Variants in DOCK2 observed in about 807,000 individuals in gnomAD.
DOCK2 encodes dedicator of cytokinesis 2, also known as dedicator of cytokinesis protein 2.
In DOCK2, 87 loss-of-function variants were observed where a neutral mutation model predicts 248.9. The ratio of observed to expected loss-of-function variants is 0.35; its 90% CI spans 0.29 to 0.42. The LOEUF (loss-of-function observed/expected upper bound fraction) is 0.42, where lower values mean the gene tolerates loss of function less well. Ranked by LOEUF, DOCK2 falls within the 10% of genes least tolerant of loss-of-function variation. DOCK2 has a pLI of 1.00. For missense variants in DOCK2, 1,747 were observed against 2,300.2 expected (o/e 0.76, Z 4.92); for synonymous variants, 805 against 821.6 (o/e 0.98, Z 0.35).
At chr5:169,859,860 C>T (rs537283245) in intron 27 of DOCK2, among the ~76,000 whole-genome samples, 7 of 152,194 alleles carry the variant, frequency 4.6e-5, no homozygotes, top group East Asian at 1.9e-4. Context: ...CTTTAATTCC[C>T]GGAGTGCTGT....
chr5:169,791,725 C>T (rs1239707886), intron 25 of DOCK2, among the ~76,000 whole-genome samples: 5 of 152,184 alleles, frequency 3.3e-5, no homozygotes, highest in African/African-American at 1.2e-4. Flanking sequence ...GCTGGGTGAG[C>T]TACATGGAGC....
intron 8 of DOCK2, among the ~76,000 whole-genome samples, chr5:169,685,748 G>T (rs997266404): frequency 5.3e-5 from 8 of 152,308 alleles, no homozygotes; most frequent in East Asian, 3.9e-4. Flanking sequence ...ATGTGCTGGG[G>T]TCTGTACATT....
At chr5:169,664,163 T>C (rs892037058) in intron 2 of DOCK2, among the ~76,000 whole-genome samples, 17 of 152,188 alleles carry the variant, frequency 1.1e-4, no homozygotes, top group African/African-American at 4.1e-4. Flanking sequence ...TTTTTACAGA[T>C]CTCTAGGGCA....
intron 27 of DOCK2, among the ~76,000 whole-genome samples, chr5:169,967,512 G>A (rs1354285699): frequency 1.3e-5 from 2 of 152,156 alleles, no homozygotes; most frequent in African/African-American, 2.4e-5. Flanking sequence ...TAGGAAGAGT[G>A]GAAGAAATAA....
intron 27 of DOCK2, among the ~76,000 whole-genome samples, chr5:169,860,364 G>A (rs1409597288): frequency 6.6e-6 from 1 of 152,074 alleles, no homozygotes; most frequent in Non-Finnish European, 1.5e-5. Flanking sequence ...ATCCACAAAT[G>A]ACTGAATATG....
At chr5:169,885,506 T>G (rs1772921359) in intron 27 of DOCK2, among the ~76,000 whole-genome samples, 1 of 152,206 alleles carries the variant, frequency 6.6e-6, no homozygotes, top group Non-Finnish European at 1.5e-5. Context: ...AAGGACAAAA[T>G]TCTCCCCTGA....
At chr5:169,696,912 A>T (rs1760667521) in intron 10 of DOCK2, among the ~76,000 whole-genome samples, 1 of 151,030 alleles carries the variant, frequency 6.6e-6, no homozygotes, top group Non-Finnish European at 1.5e-5. Context: ...TAGTTTTATT[A>T]TGTGCAAAAT....
At chr5:169,685,000 T>A (rs923986911) in intron 8 of DOCK2, among the ~76,000 whole-genome samples, 17 of 152,230 alleles carry the variant, frequency 1.1e-4, no homozygotes, top group African/African-American at 4.1e-4. Flanking sequence ...AAATCCTCTG[T>A]AGCAGCAATA....
At position 169,691,863 on chromosome 5, in the gene DOCK2, A is replaced by AT. The variant is rs10535818; in HGVS notation, c.843+2541dup. Among the ~76,000 whole-genome samples the AT allele has an allele frequency of 1.5e-3, 214 of 145,552 alleles. 1 individual carries two copies. The highest frequency in any genetic ancestry group is 2.6e-3 in the East Asian group (13 of 4,996). The stretch of plus-strand genomic sequence containing the variant: ...TTTATTTATTTATTTATTTTTATTT[A>AT]TTTTTTTTTTTGAGATGGAGTCTTG... On this transcript the variant is annotated intron_variant, in intron 9 of 51. Coordinates refer to ENST00000520908, the MANE Select transcript of DOCK2 (RefSeq NM_004946.3).
chr5:169,708,214 C>T lies in DOCK2; in HGVS notation c.1429C>T (p.Arg477Cys), dbSNP rs563258542. 58 of 1,613,840 alleles carry T rather than the reference C, an allele frequency of 3.6e-5. 1 individual carries two copies. The highest frequency in any genetic ancestry group is 4.6e-5 in the Non-Finnish European group (54 of 1,179,952). ...AGGGGACAAGCCCATGAATGAGTAT[C>T]GCTCCGTTGTGTACTATCAAGTCAA... ...GAGDKPMNEY[R>C]SVVYYQVKQP... Residue 477 changes from arginine (R) to cysteine (C), a missense_variant, in exon 15 of 52, where the codon CGC becomes TGC. By Grantham distance (180) the Arg-to-Cys change is radical. Around this residue, in one of 4 missense-constraint regions of DOCK2, gnomAD observed 858 missense variants for 1,183.5 expected, o/e 0.72. Coordinates refer to ENST00000520908, the MANE Select transcript of DOCK2 (RefSeq NM_004946.3).
chr5:169,823,201 G>A (rs1390924885), intron 26 of DOCK2, among the ~76,000 whole-genome samples: 7 of 152,160 alleles, frequency 4.6e-5, no homozygotes, highest in East Asian at 1.9e-4. Flanking sequence ...ACAAGGAGGA[G>A]CTGATACCAT....
chr5:170,048,362 T>A (rs1756790682), intron 40 of DOCK2, among the ~76,000 whole-genome samples: 1 of 151,728 alleles, frequency 6.6e-6, no homozygotes, highest in South Asian at 2.1e-4. Context: ...CTGCACTCCA[T>A]CCAGCCTGGG....
intron 19 of DOCK2, 61 bp from the exon 20 acceptor site, chr5:169,716,152 G>T: frequency 7.0e-7 from 1 of 1,434,110 alleles, no homozygotes; most frequent in Non-Finnish European, 9.8e-7. Context: ...GAGTGGGATT[G>T]CTGGTTCACC....
At chr5:169,885,982 A>T (rs928640498) in intron 27 of DOCK2, among the ~76,000 whole-genome samples, 2 of 152,208 alleles carry the variant, frequency 1.3e-5, no homozygotes, top group African/African-American at 4.8e-5. Flanking sequence ...GGTGTCTGTC[A>T]TTCCAAAGTC....
At chr5:169,859,809 C>T (rs1242162720) in intron 27 of DOCK2, among the ~76,000 whole-genome samples, 1 of 152,112 alleles carries the variant, frequency 6.6e-6, no homozygotes, top group Non-Finnish European at 1.5e-5. Context: ...CTCTTAAAGT[C>T]TCTTTTACCT....
At chr5:169,734,926 A>G (rs180738093) in intron 22 of DOCK2, among the ~76,000 whole-genome samples, 13 of 152,316 alleles carry the variant, frequency 8.5e-5, no homozygotes, top group Non-Finnish European at 1.5e-4. Flanking sequence ...AGCTGGCTGC[A>G]TTGCTCTGAC....
chr5:169,883,582 T>C, intron 27 of DOCK2: 7 of 1,551,634 alleles, frequency 4.5e-6, no homozygotes, highest in Non-Finnish European at 6.1e-6. Context: ...AACTGGGAAA[T>C]GCTTCCTGAG....
At chr5:169,925,714 C>T (rs1775412106) in intron 27 of DOCK2, among the ~76,000 whole-genome samples, 1 of 69,338 alleles carries the variant, frequency 1.4e-5, no homozygotes, top group African/African-American at 5.2e-5. Flanking sequence ...GACAATAGCA[C>T]CTGTCATATA....
chr5:169,689,842 T>C (rs1375055625), intron 9 of DOCK2, among the ~76,000 whole-genome samples: 1 of 152,206 alleles, frequency 6.6e-6, no homozygotes, highest in East Asian at 1.9e-4. Context: ...GTCCTTAGGA[T>C]CATCCTTCTA....
Sources: gnomAD v4.1 joint callset for allele counts (sites outside exome capture counted in the v4.1 genomes callset) on GRCh38, gnomAD v4.1.1 for gene constraint, gnomAD v4.1.1 regional missense constraint, MANE v1.5 for transcripts, NCBI Gene and HGNC (gene_info 2026-07-23, HGNC 2026-07-21) for gene names.